Variants in RPH3A observed in about 807,000 individuals in gnomAD.
RPH3A encodes rabphilin-3A.
RPH3A carries 48 observed loss-of-function variants against 102.2 expected under a neutral mutation model. The observed-to-expected ratio is 0.47, with a 90% CI of 0.37 to 0.60. RPH3A has a LOEUF of 0.60. Ranked by LOEUF, RPH3A falls within the 20% of genes least tolerant of loss-of-function variation. RPH3A has a pLI of 0.00. For missense variants in RPH3A, 781 were observed against 910.1 expected (o/e 0.86, Z 1.83); for synonymous variants, 310 against 324.3 (o/e 0.96, Z 0.47).
At chr12:112,801,193 A>G (rs1054393498) in intron 2 of RPH3A, among the ~76,000 whole-genome samples, 9 of 152,128 alleles carry the variant, frequency 5.9e-5, no homozygotes, top group African/African-American at 2.2e-4. Flanking sequence ...ATCTGATCTG[A>G]ACCTGTTGTT....
intron 1 of RPH3A, among the ~76,000 whole-genome samples, chr12:112,766,574 C>T (rs978349466): frequency 1.3e-5 from 2 of 152,128 alleles, no homozygotes; most frequent in Admixed American, 1.3e-4. Flanking sequence ...CTAAGGAAGG[C>T]AAGCTTGGCT....
chr12:112,662,287 A>G (rs1335621370), intron 1 of RPH3A, among the ~76,000 whole-genome samples: 3 of 152,192 alleles, frequency 2.0e-5, no homozygotes, highest in African/African-American at 7.2e-5. Context: ...CACTTCTCCA[A>G]TTAAGTCTAA....
intron 5 of RPH3A, among the ~76,000 whole-genome samples, chr12:112,861,432 G>C (rs1484011184): frequency 6.6e-6 from 1 of 152,156 alleles, no homozygotes; most frequent in African/African-American, 2.4e-5. Context: ...AATGATTCAA[G>C]GGCCCTTGGT....
chr12:112,634,250 A>G, intron 1 of RPH3A, among the ~76,000 whole-genome samples: 1 of 41,906 alleles, frequency 2.4e-5, no homozygotes, highest in African/African-American at 2.1e-4. Flanking sequence ...TGGGAGGCTG[A>G]GGCAGGAGAA....
At chr12:112,602,238 C>A (rs1007947163) in intron 1 of RPH3A, among the ~76,000 whole-genome samples, 39 of 152,170 alleles carry the variant, frequency 2.6e-4, no homozygotes, top group Admixed American at 2.2e-3. Context: ...AGTCCTTTAA[C>A]CTTCTTTAAT....
At chr12:112,826,758 G>A (rs866642090) in intron 2 of RPH3A, among the ~76,000 whole-genome samples, 8 of 152,128 alleles carry the variant, frequency 5.3e-5, no homozygotes, top group East Asian at 1.9e-4. Flanking sequence ...TGTTACATGC[G>A]CTGTATCAGA....
chr12:112,692,576 C>T (rs575398597), intron 1 of RPH3A, among the ~76,000 whole-genome samples: 1 of 152,220 alleles, frequency 6.6e-6, no homozygotes, highest in African/African-American at 2.4e-5. Context: ...TAAGATCATG[C>T]ACCGAGAAAG....
chr12:112,687,482 C>A (rs1175579215), intron 1 of RPH3A, among the ~76,000 whole-genome samples: 1 of 152,172 alleles, frequency 6.6e-6, no homozygotes, highest in Non-Finnish European at 1.5e-5. Flanking sequence ...GTTATCCCTG[C>A]TGCAAAGGAG....
chr12:112,846,680 C>G (rs1203967009), intron 4 of RPH3A, among the ~76,000 whole-genome samples: 1 of 152,228 alleles, frequency 6.6e-6, no homozygotes, highest in Admixed American at 6.5e-5. Flanking sequence ...TTTTCTCCCT[C>G]ATAGGGACAA....
At position 112,866,775 on chromosome 12, in the gene RPH3A, G is replaced by A. The variant is rs372928258; in HGVS notation, c.379G>A (p.Gly127Arg). Reference sequence around the variant, plus strand: ...TCCACAGAACGTCTGCACCAAGTGCGGAGTGGAGACCAACAACCGCCTGCA... The same window carrying A: ...TCCACAGAACGTCTGCACCAAGTGCAGAGTGGAGACCAACAACCGCCTGCA... ...DCKKNVCTKC[G>R]VETNNRLHSV... The change falls in exon 7 of 22, where the codon GGA becomes AGA. Residue 127 changes from glycine (G) to arginine (R), a missense_variant. By Grantham distance (125) the Gly-to-Arg change is moderately radical (BLOSUM62 -2). Coordinates refer to ENST00000389385, the MANE Select transcript of RPH3A (RefSeq NM_001143854.2). The A allele has an allele frequency of 2.1e-5, 33 of 1,609,398 alleles. No homozygotes were observed. The highest frequency in any genetic ancestry group is 5.5e-5 in the South Asian group (5 of 90,360).
chr12:112,635,795 C>A (rs1399035967), intron 1 of RPH3A, among the ~76,000 whole-genome samples: 1 of 152,098 alleles, frequency 6.6e-6, no homozygotes, highest in African/African-American at 2.4e-5. Context: ...ATTTTATAGA[C>A]CTGGCTCTGA....
At chr12:112,887,994 A>G (rs2043033114) in intron 17 of RPH3A, 71 bp downstream of exon 17, 8 of 1,548,738 alleles carry the variant, frequency 5.2e-6, no homozygotes, top group Non-Finnish European at 6.2e-6. Context: ...TCTGGGTCTG[A>G]ATTGGGGGAA....
intron 1 of RPH3A, among the ~76,000 whole-genome samples, chr12:112,650,378 A>G (rs2039965002): frequency 6.6e-6 from 1 of 152,216 alleles, no homozygotes; most frequent in African/African-American, 2.4e-5. Context: ...CACTGAGAAG[A>G]CAGGCTTGAT....
intron 1 of RPH3A, among the ~76,000 whole-genome samples, chr12:112,628,624 G>A (rs932314405): frequency 2.9e-5 from 4 of 138,322 alleles, no homozygotes; most frequent in African/African-American, 1.1e-4. Context: ...GCAGGGTGGG[G>A]TGGTGCATAT....
intron 2 of RPH3A, among the ~76,000 whole-genome samples, chr12:112,815,310 T>C (rs2041652834): frequency 6.6e-6 from 1 of 152,208 alleles, no homozygotes; most frequent in Non-Finnish European, 1.5e-5. Context: ...TGCAACCATT[T>C]TTGTACTATA....
Position 112,713,032 on chromosome 12 carries a change from T to C in RPH3A, c.-139-79111T>C, listed in dbSNP as rs866729469. ...CTTCCTCTTCCTCTTCCTCTTCTTCTTCTTCTTCTTCTTCTTCTCCTTCTT... is the reference window on the plus strand; with the variant it reads ...CTTCCTCTTCCTCTTCCTCTTCTTCCTCTTCTTCTTCTTCTTCTCCTTCTT... On this transcript the variant is annotated intron_variant, in intron 1 of 21. Transcript: ENST00000543106. 5.6e-3 allele frequency among the ~76,000 whole-genome samples: 427 copies of C among 76,342 alleles called. 19 individuals are homozygous for C. Among genetic ancestry groups the C allele is most frequent in the Middle Eastern group, 9.6e-3 (2 of 208 alleles). 50.1% of individuals were successfully genotyped at this position (76,342 alleles called of 152,430 possible).
intron 2 of RPH3A, among the ~76,000 whole-genome samples, chr12:112,826,072 A>G (rs74345822): frequency 0.014 from 2,055 of 151,476 alleles, 21 homozygotes; most frequent in Non-Finnish European, 0.021. Flanking sequence ...TGCATTAGCT[A>G]TTTATCCTGA....
intron 4 of RPH3A, among the ~76,000 whole-genome samples, chr12:112,846,515 C>G (rs1005879068): frequency 1.3e-5 from 2 of 152,188 alleles, no homozygotes; most frequent in African/African-American, 4.8e-5. Context: ...GGGGGGATGG[C>G]AGAAGATGGG....
At chr12:112,853,333 C>T (rs1005682217) in intron 5 of RPH3A, among the ~76,000 whole-genome samples, 9 of 152,138 alleles carry the variant, frequency 5.9e-5, no homozygotes, top group Admixed American at 5.9e-4. Flanking sequence ...GACTTGGGGG[C>T]ATTCTGATAT....
Sources: gnomAD v4.1 joint callset for allele counts (sites outside exome capture counted in the v4.1 genomes callset) on GRCh38, gnomAD v4.1.1 for gene constraint, MANE v1.5 for transcripts, NCBI Gene and HGNC (gene_info 2026-07-23, HGNC 2026-07-21) for gene names.